Variants in AGBL3 observed in about 807,000 individuals in gnomAD.
AGBL3 encodes the protein AGBL carboxypeptidase 3.
In AGBL3, 68 loss-of-function variants were observed where a neutral mutation model predicts 94.5. The observed-to-expected ratio is 0.72, with a 90% CI of 0.59 to 0.88. The LOEUF (loss-of-function observed/expected upper bound fraction) is 0.88, where lower values mean the gene tolerates loss of function less well. Among genes scored for constraint, AGBL3 ranks in the 40% least tolerant of loss-of-function variants. The pLI is 0.00. For synonymous variants in AGBL3, 354 were observed against 370.7 expected, an observed-to-expected ratio of 0.95 and a Z score of 0.52; for missense variants, 934 against 1,103.8, an observed-to-expected ratio of 0.85 and a Z score of 2.18.
intron 15 of AGBL3, among the ~76,000 whole-genome samples, chr7:135,088,256 C>T (rs1015536468): frequency 6.6e-6 from 1 of 151,884 alleles, no homozygotes; most frequent in African/African-American, 2.4e-5. Flanking sequence ...TTTTAAAATC[C>T]ATTCAGTCTA....
intron 15 of AGBL3, among the ~76,000 whole-genome samples, chr7:135,096,883 A>G (rs1228896864): frequency 1.3e-5 from 2 of 152,216 alleles, no homozygotes; most frequent in Non-Finnish European, 2.9e-5. Context: ...AATAGAGCAT[A>G]TGACAAAATA....
intron 3 of AGBL3, among the ~76,000 whole-genome samples, chr7:134,990,422 A>G (rs1810088731): frequency 6.6e-6 from 1 of 152,194 alleles, no homozygotes; most frequent in African/African-American, 2.4e-5. Flanking sequence ...TGTTGCATAT[A>G]TCAGTAGTTC....
chr7:135,068,413 A>G (rs1051584279), intron 12 of AGBL3, among the ~76,000 whole-genome samples: 9 of 152,180 alleles, frequency 5.9e-5, no homozygotes, highest in Admixed American at 5.9e-4. Context: ...CGAGAAGAGC[A>G]TCTCCAAGAC....
At chr7:135,098,343 A>C (rs1169070274) in intron 15 of AGBL3, among the ~76,000 whole-genome samples, 6 of 152,336 alleles carry the variant, frequency 3.9e-5, no homozygotes, top group Non-Finnish European at 8.8e-5. Flanking sequence ...GTATGCTTTA[A>C]GTCATCTCTA....
chr7:135,073,817 C>A (rs371836856), intron 12 of AGBL3, among the ~76,000 whole-genome samples: 1 of 151,876 alleles, frequency 6.6e-6, no homozygotes, highest in South Asian at 2.1e-4. Context: ...TGCAAATAAG[C>A]GATTAGGTCA....
At chr7:135,047,314 T>C (rs1189245243) in intron 11 of AGBL3, among the ~76,000 whole-genome samples, 1 of 152,036 alleles carries the variant, frequency 6.6e-6, no homozygotes, top group African/African-American at 2.4e-5. Context: ...GTTGTTTCTA[T>C]ATAATGGCTA....
rs77693674 is a variant in AGBL3 at position 135,052,584 on chromosome 7, C to T, written c.1842-6585C>T. ...ACCCCTCTCCCCCACCTTCCTCCCCCATCTTGGAGTCCCCAGTGCCTGTTG... is the reference window on the plus strand; with the variant it reads ...ACCCCTCTCCCCCACCTTCCTCCCCTATCTTGGAGTCCCCAGTGCCTGTTG... On this transcript the variant is annotated intron_variant, in intron 11 of 16. Transcript: ENST00000436302. 2.1e-3 allele frequency among the ~76,000 whole-genome samples: 314 copies of T among 152,212 alleles called. 1 individual carries two copies. The highest frequency in any genetic ancestry group is 3.8e-3 in the Non-Finnish European group (258 of 68,022).
intron 4 of AGBL3, among the ~76,000 whole-genome samples, chr7:135,014,365 C>T (rs1021560093): frequency 6.6e-6 from 1 of 151,592 alleles, no homozygotes; most frequent in Non-Finnish European, 1.5e-5. Context: ...AAGTTAAACA[C>T]CTTTAATTCA....
rs138934040 is a variant in AGBL3, at chr7:135,063,823, C to T, written c.1908+4588C>T. Among the ~76,000 whole-genome samples the T allele has an allele frequency of 2.1e-3, 324 of 152,336 alleles. 1 individual carries two copies. The highest frequency in any genetic ancestry group is 7.0e-3 in the African/African-American group (291 of 41,588). ...GTAGTTTTCAGATTTTAATGCATAA[C>T]ACCCTCAGACTATCAATGGCTTACA... On this transcript the variant is annotated intron_variant, in intron 12 of 16. Transcript: ENST00000436302.
At chr7:135,043,100 TC>T (rs1817024419) in intron 8 of AGBL3, among the ~76,000 whole-genome samples, 1 of 152,170 alleles carries the variant, frequency 6.6e-6, no homozygotes, top group Non-Finnish European at 1.5e-5. Context: ...TAATCTTCAT[TC>T]CTAACATGAA....
Position 135,045,850 on chromosome 7 carries a change from GA to G in AGBL3, c.1785del (p.Val596SerfsTer9), listed in dbSNP as rs776603129. 9.0e-6 allele frequency: 14 copies of G among 1,550,696 alleles called. No homozygotes were observed. Among genetic ancestry groups the G allele is most frequent in the Non-Finnish European group, 2.6e-6 (3 of 1,146,382 alleles). The stretch of plus-strand genomic sequence containing the variant: ...AGAAATGGAAAGACATATAACCCTG[GA>G]AAAAGTCTTTGAGGATTCAGACACA... ...LEEMERHITL[E>X]KVFEDSDTPV... On this transcript the variant is annotated frameshift_variant, in exon 11 of 17. Coordinates refer to ENST00000436302, the MANE Select transcript of AGBL3 (RefSeq NM_178563.4). LOFTEE classifies it high-confidence loss of function.
Position 135,010,297 on chromosome 7 carries a change from T to G in AGBL3, c.311-6755T>G, listed in dbSNP as rs190459803. On this transcript the variant is annotated intron_variant, in intron 4 of 16. Coordinates refer to ENST00000436302, the MANE Select transcript of AGBL3 (RefSeq NM_178563.4). ...TGCCTCAGCTTCCCAAAGTGCTGGG[T>G]TTTTTTTTGTTGTTTTTTTTTTTTT... 3.5e-3 allele frequency: 840 copies of G among 239,024 alleles called. 5 individuals are homozygous for G. Among genetic ancestry groups the G allele is most frequent in the African/African-American group, 0.017 (640 of 36,770 alleles). The allele number at this position is 239,024 out of a possible 1,614,324, so 14.8% of individuals were successfully genotyped here.
In AGBL3 at chr7:135,134,821, G is replaced by A. The variant is rs777865214; in HGVS notation, c.2343-20G>A. On this transcript the variant is annotated intron_variant, in intron 16 of 16. Coordinates refer to ENST00000436302, the MANE Select transcript of AGBL3 (RefSeq NM_178563.4). ...AGGTCCATGATGGACAAAAATTCAC[G>A]TATTTCATTTCTTTTCTAGACTAAA... The A allele has an allele frequency of 3.3e-5, 51 of 1,543,512 alleles. No individual in the cohort carries two copies. The highest frequency in any genetic ancestry group is 4.8e-5 in the South Asian group (4 of 83,594).
chr7:135,115,442 G>A lies in AGBL3; in HGVS notation c.2173G>A (p.Gly725Ser). 1 of 1,551,272 alleles carries A rather than the reference G, an allele frequency of 6.4e-7. No individual in the cohort carries two copies. The highest frequency in any genetic ancestry group is 8.7e-7 in the Non-Finnish European group (1 of 1,146,772). Residue 725 changes from glycine to serine, a missense_variant, in exon 16 of 17, where the codon GGC (glycine) becomes AGC (serine). Physicochemically the swap from Gly to Ser is moderately conservative, Grantham distance 56. Transcript: ENST00000436302. ...CATATCTTTCCAAAGCAAGAAGACT[G>A]GCATAAATTGGACAGATGATGAAAA... is the stretch of plus-strand genomic sequence containing the variant. Reference protein sequence around the residue: ...ECISFQSKKTGINWTDDEKRS... With the variant: ...ECISFQSKKTSINWTDDEKRS...
intron 4 of AGBL3, among the ~76,000 whole-genome samples, chr7:134,998,600 T>C (rs1811303322): frequency 6.6e-6 from 1 of 152,228 alleles, no homozygotes; most frequent in Admixed American, 6.5e-5. Flanking sequence ...TTTCAGCTCA[T>C]TCCCTTTTAT....
intron 12 of AGBL3, among the ~76,000 whole-genome samples, chr7:135,065,759 G>T (rs1563230990): frequency 1.3e-5 from 2 of 152,098 alleles, no homozygotes; most frequent in Non-Finnish European, 2.9e-5. Flanking sequence ...GGGCATGGTG[G>T]CTCACGCCTA....
intron 12 of AGBL3, among the ~76,000 whole-genome samples, chr7:135,067,217 G>A (rs1819414949): frequency 6.6e-6 from 1 of 152,226 alleles, no homozygotes; most frequent in Non-Finnish European, 1.5e-5. Flanking sequence ...CGAGGCTTGA[G>A]TAGGTAAACA....
At chr7:135,060,522 T>C (rs756361427) in intron 12 of AGBL3, among the ~76,000 whole-genome samples, 3 of 152,178 alleles carry the variant, frequency 2.0e-5, no homozygotes, top group Non-Finnish European at 4.4e-5. Flanking sequence ...ACTGGAATTT[T>C]GTATCCTTTG....
Position 135,037,539 on chromosome 7 carries a change from C to T in AGBL3, c.1459C>T (p.Arg487Ter), listed in dbSNP as rs75503880. 25 of 1,544,092 alleles carry T rather than the reference C, an allele frequency of 1.6e-5. No homozygotes were observed. In the East Asian group the frequency reaches 1.7e-4, roughly 11 times the overall value. The change falls in exon 8 of 17, where the codon CGA becomes TGA. Residue 487 changes from arginine (R) to a stop codon, truncating the protein, a stop_gained. Coordinates refer to ENST00000436302, the MANE Select transcript of AGBL3 (RefSeq NM_178563.4). LOFTEE classifies it high-confidence loss of function. Reference protein sequence around the residue: ...DRSKTLYLQQRIFPLMLSKNC... With the variant: ...DRSKTLYLQQ ...ATCTAAGACATTATACTTACAGCAA[C>T]GAATCTTCCCACTTATGCTAAGCAA...
Sources: gnomAD v4.1 joint callset for allele counts (sites outside exome capture counted in the v4.1 genomes callset) on GRCh38, gnomAD v4.1.1 for gene constraint, MANE v1.5 for transcripts, NCBI Gene and HGNC (gene_info 2026-07-23, HGNC 2026-07-21) for gene names.